Variants in ATXN7L1 observed in about 807,000 individuals in gnomAD.
ATXN7L1 encodes the protein ataxin-7-like protein 1.
ATXN7L1 carries 15 observed loss-of-function variants against 70.8 expected under a neutral mutation model. That is an observed-to-expected ratio of 0.21 (90% CI 0.14 to 0.33). ATXN7L1 has a LOEUF of 0.33. Ranked by LOEUF, ATXN7L1 falls within the 10% of genes least tolerant of loss-of-function variation. The probability of loss-of-function intolerance (pLI) is 1.00; values close to 1 mark genes in which losing one functional copy is unlikely to be tolerated. For synonymous variants in ATXN7L1, 440 were observed against 445.1 expected (o/e 0.99, Z 0.14); for missense variants, 975 against 1,097.1 (o/e 0.89, Z 1.57).
At chr7:105,681,101 A>C (rs1018689921) in intron 3 of ATXN7L1, among the ~76,000 whole-genome samples, 3 of 152,228 alleles carry the variant, frequency 2.0e-5, no homozygotes, top group African/African-American at 7.2e-5. Flanking sequence ...GTAACTCTAA[A>C]TACAAAAACA....
intron 11 of ATXN7L1, among the ~76,000 whole-genome samples, chr7:105,609,487 A>C (rs1013486305): frequency 6.7e-6 from 1 of 148,940 alleles, no homozygotes; most frequent in African/African-American, 2.5e-5. Flanking sequence ...TTTTTTTGAG[A>C]TAGGATCTCG....
Position 105,620,251 on chromosome 7 carries a change from C to T in ATXN7L1, c.1466G>A (p.Arg489Gln), listed in dbSNP as rs1022541591. 11 of 1,551,298 alleles carry T rather than the reference C, an allele frequency of 7.1e-6. No homozygotes were observed. In the African/African-American group the frequency reaches 8.2e-5, roughly 12 times the overall value. The change falls in exon 9 of 12, where the codon CGA (arginine) becomes CAA (glutamine). Residue 489 changes from arginine (R) to glutamine (Q), a missense_variant. By Grantham distance (43) the Arg-to-Gln change is conservative (BLOSUM62 1). This residue lies in a region of ATXN7L1 where 635 missense variants were observed against 699.4 expected (regional missense o/e 0.91). Coordinates refer to ENST00000419735, the MANE Select transcript of ATXN7L1 (RefSeq NM_020725.2). ...TTCTACCATGGAGTTTAGTGCGAATCGAAAACGATCCCATCTTCTATCAAA... is the reference window on the plus strand; with the variant it reads ...TTCTACCATGGAGTTTAGTGCGAATTGAAAACGATCCCATCTTCTATCAAA... Reference protein sequence around the residue: ...YVFDRRWDRFRFALNSMVEKH... With the variant: ...YVFDRRWDRFQFALNSMVEKH...
intron 4 of ATXN7L1, among the ~76,000 whole-genome samples, chr7:105,648,548 T>C (rs1799400254): frequency 6.6e-6 from 1 of 152,218 alleles, no homozygotes; most frequent in Admixed American, 6.5e-5. Flanking sequence ...CCAGAGATGA[T>C]GCTTTTTGAG....
chr7:105,657,277 C>A (rs1800806505), intron 4 of ATXN7L1, among the ~76,000 whole-genome samples: 1 of 152,064 alleles, frequency 6.6e-6, no homozygotes, highest in Non-Finnish European at 1.5e-5. Context: ...CTGATGGGAG[C>A]GTAACATTTA....
intron 6 of ATXN7L1, 59 bp from the exon 7 acceptor site, chr7:105,638,668 C>G (rs1330288408): frequency 6.8e-7 from 1 of 1,468,712 alleles, no homozygotes; most frequent in Non-Finnish European, 9.0e-7. Context: ...ACCTGCTTCC[C>G]CAGGCCCTCC....
intron 3 of ATXN7L1, among the ~76,000 whole-genome samples, chr7:105,764,389 A>G (rs1008422653): frequency 6.6e-6 from 1 of 152,014 alleles, no homozygotes; most frequent in Non-Finnish European, 1.5e-5. Flanking sequence ...CAACAGCATC[A>G]GCGTCATCTG....
At chr7:105,625,020 A>C (rs1795492308) in intron 7 of ATXN7L1, among the ~76,000 whole-genome samples, 1 of 152,212 alleles carries the variant, frequency 6.6e-6, no homozygotes, top group African/African-American at 2.4e-5. Context: ...CCAGGTAAAC[A>C]AGATCAGGGC....
At chr7:105,771,183 G>A (rs1421570362) in intron 3 of ATXN7L1, among the ~76,000 whole-genome samples, 2 of 145,174 alleles carry the variant, frequency 1.4e-5, no homozygotes, top group Admixed American at 7.1e-5. Context: ...CTGGGCGACA[G>A]AGCAAGACTC....
chr7:105,788,526 G>C (rs1804657988), intron 3 of ATXN7L1, 78 bp downstream of exon 3: 2 of 1,191,716 alleles, frequency 1.7e-6, no homozygotes, highest in Non-Finnish European at 2.5e-6. Context: ...GCGAGACCCT[G>C]TCGGGGAGCC....
chr7:105,840,663 G>A (rs1182522833), intron 2 of ATXN7L1, among the ~76,000 whole-genome samples: 12 of 152,146 alleles, frequency 7.9e-5, no homozygotes, highest in Admixed American at 7.9e-4. Flanking sequence ...GAGCCTCCCT[G>A]TCCAACCCCT....
At chr7:105,731,771 A>AAG (rs377098222) in intron 3 of ATXN7L1, among the ~76,000 whole-genome samples, 1,181 of 64,042 alleles carry the variant, frequency 0.018, 24 homozygotes, top group African/African-American at 0.088. Flanking sequence ...AAGAAAAGAA[A>AAG]AGAAAAGAAA....
intron 3 of ATXN7L1, among the ~76,000 whole-genome samples, chr7:105,749,976 C>T (rs1233050342): frequency 2.0e-5 from 3 of 151,874 alleles, no homozygotes; most frequent in African/African-American, 4.8e-5. Flanking sequence ...TGCACCTGCA[C>T]GATACACCTA....
intron 2 of ATXN7L1, among the ~76,000 whole-genome samples, chr7:105,802,644 C>T (rs1225959128): frequency 6.6e-6 from 1 of 152,154 alleles, no homozygotes; most frequent in Admixed American, 6.5e-5. Context: ...TTTCATAGTG[C>T]CATCAAACTG....
chr7:105,725,899 CTTTCT>C lies in ATXN7L1; in HGVS notation c.356-60616_356-60612del, dbSNP rs1327067550. Among the ~76,000 whole-genome samples, 453 of 139,700 alleles carry C rather than the reference CTTTCT, an allele frequency of 3.2e-3. 2 individuals are homozygous for C. Among genetic ancestry groups the C allele is most frequent in the Non-Finnish European group, 5.5e-3 (361 of 65,758 alleles). The allele number at this position is 139,700 out of a possible 152,430, so 91.6% of individuals were successfully genotyped here. ...CATGGCCTCCATTTCTTTTTTCTTT[CTTTCT>C]TTTTTTTTTTTTTTTTGAGACAGAG... On this transcript the variant is annotated intron_variant, in intron 3 of 11. Transcript: ENST00000419735.
intron 10 of ATXN7L1, chr7:105,613,442 T>C (rs746902111): frequency 8.9e-6 from 9 of 1,012,638 alleles, no homozygotes; most frequent in Admixed American, 5.1e-5. Flanking sequence ...AAGCTCTTCC[T>C]AAGGGGGTTC....
At chr7:105,677,322 C>A (rs929868338) in intron 3 of ATXN7L1, among the ~76,000 whole-genome samples, 4 of 152,190 alleles carry the variant, frequency 2.6e-5, no homozygotes, top group African/African-American at 9.7e-5. Context: ...ATAACTTAAC[C>A]CCCTGAGCCC....
At chr7:105,861,817 C>T (rs1012518146) in intron 2 of ATXN7L1, among the ~76,000 whole-genome samples, 3 of 152,178 alleles carry the variant, frequency 2.0e-5, no homozygotes, top group African/African-American at 7.2e-5. Flanking sequence ...ATATGATTTT[C>T]AAAAAGCTGT....
chr7:105,699,337 G>A (rs1584767256), intron 3 of ATXN7L1, among the ~76,000 whole-genome samples: 1 of 151,966 alleles, frequency 6.6e-6, no homozygotes, highest in African/African-American at 2.4e-5. Context: ...TTGCCGTGTT[G>A]GCCAGGCTGG....
intron 4 of ATXN7L1, among the ~76,000 whole-genome samples, chr7:105,662,039 C>G (rs1168945010): frequency 1.1e-5 from 1 of 94,766 alleles, no homozygotes. Flanking sequence ...TCCTTCCTTC[C>G]TTCCTTCCTT....
Sources: gnomAD v4.1 joint callset for allele counts (sites outside exome capture counted in the v4.1 genomes callset) on GRCh38, gnomAD v4.1.1 for gene constraint, gnomAD v4.1.1 regional missense constraint, MANE v1.5 for transcripts, NCBI Gene and HGNC (gene_info 2026-07-23, HGNC 2026-07-21) for gene names.